SPAG9: variants seen among roughly 807,000 people sequenced by gnomAD.
SPAG9 encodes C-Jun-amino-terminal kinase-interacting protein 4.
A neutral mutation model predicts 166.5 loss-of-function variants in SPAG9; 35 were observed. That is an observed-to-expected ratio of 0.21 (90% CI 0.16 to 0.28). The LOEUF is 0.28. Ranked by LOEUF, SPAG9 falls within the 10% of genes least tolerant of loss-of-function variation. The probability of loss-of-function intolerance (pLI) is 1.00; values close to 1 mark genes in which losing one functional copy is unlikely to be tolerated. For missense variants in SPAG9, 1,235 were observed against 1,603.3 expected, an observed-to-expected ratio of 0.77 and a Z score of 3.92; for synonymous variants, 534 against 565.5, an observed-to-expected ratio of 0.94 and a Z score of 0.79.
At chr17:51,077,285 G>A (rs955536791) in intron 2 of SPAG9, among the ~76,000 whole-genome samples, 14 of 151,884 alleles carry the variant, frequency 9.2e-5, no homozygotes, top group African/African-American at 2.4e-4. Context: ...CACCATGTCC[G>A]GCTAATTTTG....
chr17:51,002,061 C>T (rs2044978859), intron 12 of SPAG9, among the ~76,000 whole-genome samples: 1 of 151,818 alleles, frequency 6.6e-6, no homozygotes, highest in Admixed American at 6.6e-5. Context: ...TGTTGCCCAC[C>T]CTGAAGTGCA....
chr17:51,112,897 C>T (rs2144786881), intron 1 of SPAG9, among the ~76,000 whole-genome samples: 1 of 149,716 alleles, frequency 6.7e-6, no homozygotes. Context: ...TCTACTTGAG[C>T]CCTGGAGGTC....
At chr17:51,113,679 CA>C (rs11329853) in intron 1 of SPAG9, among the ~76,000 whole-genome samples, 73,053 of 128,730 alleles carry the variant, frequency 0.57, 18,836 homozygotes, top group Middle Eastern at 0.59. Flanking sequence ...GACCCCATCT[CA>C]AAAAAAAAAA....
intron 2 of SPAG9, among the ~76,000 whole-genome samples, chr17:51,059,766 CT>C (rs1416280765): frequency 7.1e-6 from 1 of 141,668 alleles, no homozygotes; most frequent in African/African-American, 2.6e-5. Context: ...GTGACTCCAT[CT>C]CAAAAAACAA....
chr17:50,999,637 A>C, intron 14 of SPAG9, 24 bp downstream of exon 14: 1 of 1,597,446 alleles, frequency 6.3e-7, no homozygotes, highest in South Asian at 1.1e-5. Context: ...GTGCTGTCTA[A>C]CATCTTTGTT....
intron 1 of SPAG9, among the ~76,000 whole-genome samples, chr17:51,089,625 TATATA>T (rs1568077207): frequency 4.5e-4 from 25 of 55,518 alleles, no homozygotes; most frequent in African/African-American, 2.4e-3. Context: ...TTATTTTATA[TATATA>T]TATATATATA....
intron 26 of SPAG9, among the ~76,000 whole-genome samples, chr17:50,978,296 A>G (rs527945619): frequency 2.6e-5 from 4 of 152,344 alleles, no homozygotes; most frequent in Admixed American, 1.3e-4. Flanking sequence ...ACCTCCAGTC[A>G]AAGTAGATCC....
At chr17:51,078,834 A>G (rs1014607245) in intron 2 of SPAG9, among the ~76,000 whole-genome samples, 1 of 152,114 alleles carries the variant, frequency 6.6e-6, no homozygotes, top group African/African-American at 2.4e-5. Context: ...TTTTTTCTCC[A>G]GTATCTAATT....
At chr17:51,058,291 T>C (rs1280393136) in intron 2 of SPAG9, among the ~76,000 whole-genome samples, 1 of 152,214 alleles carries the variant, frequency 6.6e-6, no homozygotes, top group Non-Finnish European at 1.5e-5. Flanking sequence ...AAGTGCTTAC[T>C]ATGTACCATA....
chr17:50,990,844 A>C, intron 19 of SPAG9, 176 bp from the exon 20 acceptor site: 1 of 585,150 alleles, frequency 1.7e-6, no homozygotes, highest in Admixed American at 3.1e-5. Context: ...GGTAACTTAA[A>C]AAATTAAGAA....
At chr17:50,995,373 CTTTTTT>C in intron 17 of SPAG9, 65 bp downstream of exon 17, 2 of 1,374,398 alleles carry the variant, frequency 1.5e-6, no homozygotes, top group South Asian at 2.5e-5. Flanking sequence ...AATACTTATA[CTTTTTT>C]GGTTTTAGAA....
intron 12 of SPAG9, among the ~76,000 whole-genome samples, chr17:51,004,422 G>C (rs996506789): frequency 6.6e-6 from 1 of 152,094 alleles, no homozygotes; most frequent in African/African-American, 2.4e-5. Context: ...TCTGACCTTT[G>C]ACCTGCAAAC....
intron 1 of SPAG9, among the ~76,000 whole-genome samples, chr17:51,081,572 C>T (rs1053927122): frequency 5.3e-5 from 8 of 151,638 alleles, no homozygotes; most frequent in Admixed American, 2.6e-4. Flanking sequence ...GGAGAAACCC[C>T]GTCTCTACTA....
intron 2 of SPAG9, among the ~76,000 whole-genome samples, chr17:51,070,618 A>C (rs2047797136): frequency 6.6e-6 from 1 of 152,098 alleles, no homozygotes; most frequent in Admixed American, 6.5e-5. Flanking sequence ...ACCCTGATTC[A>C]CCTCTTCATT....
intron 29 of SPAG9, among the ~76,000 whole-genome samples, chr17:50,968,524 A>G (rs774708258): frequency 1.3e-4 from 20 of 152,146 alleles, no homozygotes; most frequent in Non-Finnish European, 2.8e-4. Context: ...TGAGGCCAGG[A>G]GTTCGAGACC....
intron 19 of SPAG9, among the ~76,000 whole-genome samples, chr17:50,992,865 G>T (rs1975709990): frequency 6.6e-6 from 1 of 151,988 alleles, no homozygotes; most frequent in Non-Finnish European, 1.5e-5. Context: ...GGGAGACCGA[G>T]GCGGGCAGAT....
chr17:51,068,563 G>A (rs1473305478), intron 2 of SPAG9, among the ~76,000 whole-genome samples: 1 of 152,076 alleles, frequency 6.6e-6, no homozygotes, highest in African/African-American at 2.4e-5. Flanking sequence ...CTTAACCTCT[G>A]CACATATTCC....
At chr17:51,090,773 G>A (rs1403973205) in intron 1 of SPAG9, among the ~76,000 whole-genome samples, 1 of 152,098 alleles carries the variant, frequency 6.6e-6, no homozygotes, top group African/African-American at 2.4e-5. Context: ...TTACTGCCTA[G>A]GTAATACCAA....
Position 51,120,330 on chromosome 17 carries a change from C to G in SPAG9, c.303+24G>C. ...CCGCCCCCGGAGACGGATCCCGCGG[C>G]CCCCGCCCTGCCGCCGGCCTCACCT... On this transcript the variant is annotated intron_variant, in intron 1 of 29. Coordinates refer to ENST00000262013, the MANE Select transcript of SPAG9 (RefSeq NM_001130528.3). This position sits in a 1 kb window ranked among gnomAD's most constrained non-coding sequence, Gnocchi z 4.7. 2 of 1,522,370 alleles carry G rather than the reference C, an allele frequency of 1.3e-6. No individual in the cohort carries two copies. Among genetic ancestry groups the G allele is most frequent in the Non-Finnish European group, 1.8e-6 (2 of 1,135,886 alleles). 94.3% of individuals were successfully genotyped at this position (1,522,370 alleles called of 1,614,324 possible). A position where few individuals can be genotyped will look rare whatever the true frequency, so the allele number is the denominator to read the frequency against.
Sources: allele counts gnomAD v4.1 joint callset (sites outside exome capture counted in the v4.1 genomes callset), GRCh38; gene constraint gnomAD v4.1.1; non-coding constraint Gnocchi (gnomAD v3.1); transcripts MANE v1.5; gene names NCBI Gene and HGNC (gene_info 2026-07-23, HGNC 2026-07-21).